Variants in MED24 observed in about 807,000 individuals in gnomAD.
MED24 encodes mediator complex subunit 24.
A neutral mutation model predicts 118.8 loss-of-function variants in MED24; 74 were observed. That is an observed-to-expected ratio of 0.62 (90% CI 0.52 to 0.76). The LOEUF (loss-of-function observed/expected upper bound fraction) is 0.76. MED24 is among the 30% of genes least tolerant of loss of function. The pLI is 0.00. For synonymous variants in MED24, 521 were observed against 523.9 expected, an observed-to-expected ratio of 0.99 and a Z score of 0.08; for missense variants, 1,041 against 1,278.9, an observed-to-expected ratio of 0.81 and a Z score of 2.84.
chr17:40,053,740 C>A (rs753623579), intron 1 of MED24, 105 bp from the exon 2 acceptor site: 3 of 1,429,790 alleles, frequency 2.1e-6, no homozygotes, highest in Non-Finnish European at 2.9e-6. Context: ...AAGATTTAAG[C>A]GAGACAGAGG....
At chr17:40,026,594 C>T in intron 18 of MED24, 53 bp downstream of exon 18, 1 of 1,502,682 alleles carries the variant, frequency 6.7e-7, no homozygotes, top group Non-Finnish European at 9.1e-7. Context: ...CAAGTCATCA[C>T]TGGCTGGCTC....
chr17:40,050,894 T>G (rs1985763820), intron 3 of MED24, among the ~76,000 whole-genome samples: 1 of 152,166 alleles, frequency 6.6e-6, no homozygotes, highest in African/African-American at 2.4e-5. Context: ...CCCAGCACTT[T>G]GGGAGGCCAA....
At chr17:40,052,033 A>G (rs1399838273) in intron 3 of MED24, among the ~76,000 whole-genome samples, 1 of 151,060 alleles carries the variant, frequency 6.6e-6, no homozygotes, top group Non-Finnish European at 1.5e-5. Context: ...GGTGGCTCAC[A>G]CCTGTAATCC....
chr17:40,043,432 C>T lies in MED24; in HGVS notation c.214-7278G>A, dbSNP rs192074106. On this transcript the variant is annotated intron_variant, in intron 3 of 25. Transcript: ENST00000394128. ...AGATGACACATAGGGTTTTGCTAGG[C>T]GGAACTTATATGCAGGGACAGTCCA... Among the ~76,000 whole-genome samples the T allele has an allele frequency of 4.6e-5, 7 of 152,210 alleles. No individual in the cohort carries two copies. The East Asian group carries it at 7.7e-4, about 17-fold the overall frequency.
In MED24 at chr17:40,033,070, C is replaced by CCATCGT; in HGVS notation, c.802_807dup (p.Thr268_Met269dup). On this transcript the variant is annotated inframe_insertion, in exon 8 of 26. Transcript: ENST00000394128. The surrounding 1 kb of genome is among the most constrained non-coding windows in gnomAD (Gnocchi z 5.2). ...GCCCCTCCCACCTGCATGCGCTTCA[C>CCATCGT]CATCGTCAGCTGCTCCACCAGGGAC... 6.2e-7 allele frequency: 1 copy of CCATCGT among 1,613,998 alleles called. No homozygotes were observed. Among genetic ancestry groups the CCATCGT allele is most frequent in the South Asian group, 1.1e-5 (1 of 91,086 alleles).
At chr17:40,023,441 G>A (rs761311321) in intron 19 of MED24, 46 bp from the exon 20 acceptor site, 1 of 1,525,494 alleles carries the variant, frequency 6.6e-7, no homozygotes, top group East Asian at 2.3e-5. Context: ...CCACTGTAGG[G>A]TGGGGAGGGA....
In MED24 at chr17:40,053,637, T is replaced by C. The variant is rs777716504; in HGVS notation, c.-37-2A>G. 2 of 1,613,714 alleles carry C rather than the reference T, an allele frequency of 1.2e-6. No homozygotes were observed. Among genetic ancestry groups the C allele is most frequent in the Non-Finnish European group, 1.7e-6 (2 of 1,180,042 alleles). ...GCAGGTGGCAGCGGTGGCGGCCAGC[T>C]TTGAGGTGAAAGAAATGGAGCTAAA... On this transcript the variant is annotated splice_acceptor_variant, in intron 1 of 25. Coordinates refer to ENST00000394128, the MANE Select transcript of MED24 (RefSeq NM_014815.4). LOFTEE classifies it low-confidence loss of function (5UTR_SPLICE).
Position 40,031,252 on chromosome 17 carries a change from G to A in MED24, c.1068-7C>T. 6.4e-7 allele frequency: 1 copy of A among 1,561,084 alleles called. No homozygotes were observed. The highest frequency in any genetic ancestry group is 1.2e-5 in the South Asian group (1 of 84,694). ...GAAGTTTGTACAGTCACAGCTGTGA[G>A]GGAGAAAGATGCTGAGGGAACTGGG... On this transcript the variant is annotated splice_region_variant and splice_polypyrimidine_tract_variant and intron_variant, in intron 11 of 25. Transcript: ENST00000394128.
In MED24 at chr17:40,026,728, C is replaced by G; in HGVS notation, c.1728G>C (p.Glu576Asp). Residue 576 changes from glutamate to aspartate, a missense_variant, in exon 18 of 26, where the codon GAG (glutamate) becomes GAC (aspartate). This residue lies in a region of MED24 where 587 missense variants were observed against 694.4 expected (regional missense o/e 0.85). Transcript: ENST00000394128. ...TGGCGGCTGAGATGCTGAGACAGGC[C>G]TCATGCCACTTCATCTGCCTGCGGG... ...EMKLVQMKWH[E>D]ACLSISAAIL... 1 of 1,612,212 alleles carries G rather than the reference C, an allele frequency of 6.2e-7. No homozygotes were observed. The highest frequency in any genetic ancestry group is 8.5e-7 in the Non-Finnish European group (1 of 1,179,162).
chr17:40,027,549 C>G, intron 15 of MED24, 84 bp from the exon 16 acceptor site: 1 of 1,366,032 alleles, frequency 7.3e-7, no homozygotes, highest in South Asian at 1.3e-5. Context: ...GGATTTGCCT[C>G]TAGGAAGGTC....
intron 14 of MED24, 168 bp from the exon 15 acceptor site, chr17:40,028,114 GTTTT>G (rs373788946): frequency 1.0e-5 from 6 of 596,928 alleles, no homozygotes; most frequent in African/African-American, 1.9e-5. Flanking sequence ...TTTGTTTTTT[GTTTT>G]TTTTTTGTTT....
At chr17:40,036,243 C>G in intron 3 of MED24, 89 bp from the exon 4 acceptor site, 1 of 1,341,218 alleles carries the variant, frequency 7.5e-7, no homozygotes, top group African/African-American at 1.4e-5. Flanking sequence ...TGCTGCAGCT[C>G]TCCTGAACCT....
Position 40,027,873 on chromosome 17 carries a change from G to A in MED24, c.1447+36C>T, listed in dbSNP as rs1479173280. 1.7e-5 allele frequency: 27 copies of A among 1,605,754 alleles called. No homozygotes were observed. In the East Asian group the frequency reaches 5.4e-4, roughly 32 times the overall value. On this transcript the variant is annotated intron_variant, in intron 15 of 25. Coordinates refer to ENST00000394128, the MANE Select transcript of MED24 (RefSeq NM_014815.4). ...CTCTCCCGCCACACCCCTCCTCAGG[G>A]CCCACTGGGCCTGCGGATGCACAGG... is the stretch of plus-strand genomic sequence containing the variant.
rs763136406 is a variant in MED24, at chr17:40,027,928, G to A, written c.1428C>T (p.Thr476=). The change falls in exon 15 of 26, where the codon ACC becomes ACT. Residue 476 remains threonine (T), a synonymous_variant. Transcript: ENST00000394128. ...RKFINLNEFT[T]YGSEESTKPA... ...ACTTACTGCTTTCTTCGCTGCCATA[G>A]GTTGTGAATTCATTCAAACTGAAAG... 5.0e-6 allele frequency: 8 copies of A among 1,613,792 alleles called. No homozygotes were observed. The highest frequency in any genetic ancestry group is 6.8e-6 in the Non-Finnish European group (8 of 1,179,982).
In MED24 at chr17:40,026,845, G is replaced by A. The variant is rs772711836; in HGVS notation, c.1709+11C>T. 28 of 1,611,322 alleles carry A rather than the reference G, an allele frequency of 1.7e-5. No individual in the cohort carries two copies. The highest frequency in any genetic ancestry group is 2.0e-5 in the Non-Finnish European group (23 of 1,178,064). On this transcript the variant is annotated intron_variant, in intron 17 of 25. Coordinates refer to ENST00000394128, the MANE Select transcript of MED24 (RefSeq NM_014815.4). ...ACCGCCACCCTTGGAGTGGGCGCCCGGGCCACTGACACTAGCTTCATCTCC... is the reference window on the plus strand; with the variant it reads ...ACCGCCACCCTTGGAGTGGGCGCCCAGGCCACTGACACTAGCTTCATCTCC...
Position 40,043,892 on chromosome 17 carries a change from A to AAAAAAAAAAAAAAAAAC in MED24, c.214-7739_214-7738insGTTTTTTTTTTTTTTTT, listed in dbSNP as rs1288945578. On this transcript the variant is annotated intron_variant, in intron 3 of 25. Transcript: ENST00000394128. ...GGCAGAAGAGCGAGACTCCATCTCA[A>AAAAAAAAAAAAAAAAAC]AAAAAAAAAAAACAAAGATTTAAAT... Among the ~76,000 whole-genome samples, 49 of 148,406 alleles carry AAAAAAAAAAAAAAAAAC rather than the reference A, an allele frequency of 3.3e-4. No homozygotes were observed. In the East Asian group the frequency reaches 9.6e-3, roughly 29 times the overall value.
chr17:40,052,831 T>G (rs995058822), intron 3 of MED24, among the ~76,000 whole-genome samples: 2 of 152,192 alleles, frequency 1.3e-5, no homozygotes, highest in Non-Finnish European at 1.5e-5. Flanking sequence ...ATGAGAACAC[T>G]GAAACTCACT....
At position 40,020,278 on chromosome 17, in the gene MED24, A is replaced by C. The variant is rs776332580; in HGVS notation, c.2699T>G (p.Val900Gly). The C allele has an allele frequency of 3.9e-6, 6 of 1,540,860 alleles. No homozygotes were observed. Residue 900 changes from valine to glycine, a missense_variant, in exon 24 of 26, where the codon GTC becomes GGC. Physicochemically the swap from Val to Gly is moderately radical, Grantham distance 109. Around this residue, in one of 3 missense-constraint regions of MED24, gnomAD observed 587 missense variants for 694.4 expected, o/e 0.85. Transcript: ENST00000394128. Reference protein sequence around the residue: ...TVNMRDPLNRVLANLFLLISS... With the variant: ...TVNMRDPLNRGLANLFLLISS... ...AGCAGGGGTGGGGAACTCACCCAGG[A>C]CTCGGTTCAGAGGGTCCCGCATGTT...
rs771943230 is a variant in MED24, at chr17:40,033,687, C to T, written c.560-231G>A. 5 of 658,630 alleles carry T rather than the reference C, an allele frequency of 7.6e-6. No homozygotes were observed. The highest frequency in any genetic ancestry group is 7.5e-5 in the South Asian group (5 of 66,338). 40.8% of individuals were successfully genotyped at this position (658,630 alleles called of 1,614,324 possible). A position where few individuals can be genotyped will look rare whatever the true frequency, so the allele number is the denominator to read the frequency against. On this transcript the variant is annotated intron_variant, in intron 6 of 25. Transcript: ENST00000394128. The surrounding 1 kb of genome is among the most constrained non-coding windows in gnomAD (Gnocchi z 5.2). The stretch of plus-strand genomic sequence containing the variant: ...AGACCATTCCCAAAAGCCTGATTTC[C>T]AGGGGACACAGCCAGCTGACTTCAG...
Sources: allele counts gnomAD v4.1 joint callset (sites outside exome capture counted in the v4.1 genomes callset), GRCh38; gene constraint gnomAD v4.1.1; regional missense constraint gnomAD v4.1.1; non-coding constraint Gnocchi (gnomAD v3.1); transcripts MANE v1.5; gene names NCBI Gene and HGNC (gene_info 2026-07-23, HGNC 2026-07-21).